Variants in ALDH3A2 observed in about 807,000 individuals in gnomAD.
ALDH3A2 encodes aldehyde dehydrogenase 3 family member A2, also known as aldehyde dehydrogenase family 3 member A2.
Under a neutral mutation model 51.3 loss-of-function variants are expected in ALDH3A2, and 36 were observed. The observed-to-expected ratio is 0.70, with a 90% CI of 0.54 to 0.93. The LOEUF is 0.93. Ranked by LOEUF, ALDH3A2 falls within the 40% of genes least tolerant of loss-of-function variation. The pLI is 0.00. For missense variants in ALDH3A2, 552 were observed against 603.1 expected (o/e 0.92, Z 0.89); for synonymous variants, 199 against 219.8 (o/e 0.91, Z 0.84).
At chr17:19,666,893 A>C (rs963278431) in intron 8 of ALDH3A2, among the ~76,000 whole-genome samples, 77 of 151,682 alleles carry the variant, frequency 5.1e-4, no homozygotes, top group African/African-American at 1.8e-3. Context: ...CAAAAGAAAA[A>C]AACAGGTTTA....
At chr17:19,668,647 GGGT>G (rs2085071576) in intron 8 of ALDH3A2, among the ~76,000 whole-genome samples, 2 of 80,700 alleles carry the variant, frequency 2.5e-5, no homozygotes, top group Non-Finnish European at 5.5e-5. Flanking sequence ...TCTGTAGGCT[GGGT>G]GCGGTTGCAC....
Position 19,651,739 on chromosome 17 carries a change from G to A in ALDH3A2, c.346G>A (p.Val116Ile), listed in dbSNP as rs752169967. The A allele has an allele frequency of 1.5e-5, 24 of 1,613,958 alleles. No individual in the cohort carries two copies. The Admixed American group carries it at 3.3e-4, about 22-fold the overall frequency. The change falls in exon 2 of 10, where the codon GTT becomes ATT. Residue 116 changes from valine to isoleucine, a missense_variant. Coordinates refer to ENST00000176643, the MANE Select transcript of ALDH3A2 (RefSeq NM_000382.3). The stretch of plus-strand genomic sequence containing the variant: ...AATCGGAGCTTGGAATTACCCCTTC[G>A]TTCTCACCATTCAGCCACTGATAGG... The part of the protein sequence containing the change: ...LIIGAWNYPF[V>I]LTIQPLIGAI...
chr17:19,656,697 T>A (rs2084902870), intron 4 of ALDH3A2, 123 bp downstream of exon 4: 1 of 999,642 alleles, frequency 1.0e-6, no homozygotes, highest in African/African-American at 1.6e-5. Flanking sequence ...TAAGCTTTGG[T>A]GGTTGATGTC....
At chr17:19,660,682 G>A (rs948467958) in intron 5 of ALDH3A2, among the ~76,000 whole-genome samples, 2 of 152,214 alleles carry the variant, frequency 1.3e-5, no homozygotes, top group Non-Finnish European at 2.9e-5. Flanking sequence ...TAAAGGGCTA[G>A]ATGGTAAATA....
chr17:19,651,853 G>A, intron 2 of ALDH3A2, 75 bp downstream of exon 2: 1 of 1,339,774 alleles, frequency 7.5e-7, no homozygotes. Context: ...ATTAAGGATA[G>A]TGGCTAATTA....
At position 19,676,003 on chromosome 17, in the gene ALDH3A2, A is replaced by G. The variant is rs766037788; in HGVS notation, c.*431A>G. The G allele has an allele frequency of 8.9e-6, 2 of 223,718 alleles. No individual in the cohort carries two copies. Among genetic ancestry groups the G allele is most frequent in the Non-Finnish European group, 1.8e-5 (2 of 112,162 alleles). The allele number at this position is 223,718 out of a possible 1,614,324, so 13.9% of individuals were successfully genotyped here. On this transcript the variant is annotated 3_prime_UTR_variant, in exon 10 of 10. Transcript: ENST00000176643. ...CCCAGGGCTACCGGCAGTCCTCTGT[A>G]GTCCAGAGAGGTGAGATTAGATCTT...
chr17:19,660,661 A>G (rs2084954517), intron 5 of ALDH3A2, among the ~76,000 whole-genome samples: 1 of 152,214 alleles, frequency 6.6e-6, no homozygotes, highest in African/African-American at 2.4e-5. Context: ...AAGATTGGCA[A>G]ATGGTTTCTG....
At chr17:19,667,493 A>G (rs1488887503) in intron 8 of ALDH3A2, among the ~76,000 whole-genome samples, 1 of 152,242 alleles carries the variant, frequency 6.6e-6, no homozygotes, top group Non-Finnish European at 1.5e-5. Context: ...AAAGTAATAT[A>G]GACACAGTGG....
intron 8 of ALDH3A2, among the ~76,000 whole-genome samples, chr17:19,669,660 G>A (rs1354791336): frequency 6.6e-6 from 1 of 151,720 alleles, no homozygotes; most frequent in Non-Finnish European, 1.5e-5. Flanking sequence ...TTTGAGATAG[G>A]GTCTCACTCT....
chr17:19,675,989 C>A lies in ALDH3A2; in HGVS notation c.*417C>A. On this transcript the variant is annotated 3_prime_UTR_variant, in exon 10 of 10. Transcript: ENST00000176643. ...AGAGCTTGGTACTTCCCAGGGCTAC[C>A]GGCAGTCCTCTGTAGTCCAGAGAGG... 3.9e-6 allele frequency: 1 copy of A among 256,208 alleles called. No homozygotes were observed. The highest frequency in any genetic ancestry group is 7.6e-6 in the Non-Finnish European group (1 of 131,598). 15.9% of individuals were successfully genotyped at this position (256,208 alleles called of 1,614,324 possible). A position where few individuals can be genotyped will look rare whatever the true frequency, so the allele number is the denominator to read the frequency against.
chr17:19,673,385 T>C, intron 9 of ALDH3A2: 1 of 1,350,128 alleles, frequency 7.4e-7, no homozygotes, highest in Middle Eastern at 2.6e-4. Context: ...TTTTTATTTT[T>C]GTTTTTTTTT....
At chr17:19,655,631 A>G (rs1408924708) in intron 3 of ALDH3A2, among the ~76,000 whole-genome samples, 1 of 152,230 alleles carries the variant, frequency 6.6e-6, no homozygotes, top group African/African-American at 2.4e-5. Context: ...TTTACTTCAC[A>G]CTTCCACCTT....
rs1479279407 is a variant in ALDH3A2 at position 19,648,780 on chromosome 17, T to G, written c.-192T>G. 2.7e-6 allele frequency: 2 copies of G among 732,904 alleles called. No individual in the cohort carries two copies. The highest frequency in any genetic ancestry group is 1.8e-5 in the South Asian group (1 of 56,018). The allele number at this position is 732,904 out of a possible 1,614,324, so 45.4% of individuals were successfully genotyped here. On this transcript the variant is annotated 5_prime_UTR_variant, in exon 1 of 10. Transcript: ENST00000176643. ...CTCCCCCGGCGCCTCCGACTGGCAG[T>G]GGGACTCAGCGGGCGTGGAGGTCGC...
intron 6 of ALDH3A2, among the ~76,000 whole-genome samples, chr17:19,661,831 T>G (rs79475774): frequency 9.5e-5 from 14 of 147,818 alleles, no homozygotes; most frequent in African/African-American, 3.5e-4. Flanking sequence ...GCTTTACTTA[T>G]CCCCTTTATC....
intron 8 of ALDH3A2, among the ~76,000 whole-genome samples, 158 bp from the exon 9 acceptor site, chr17:19,671,563 G>T (rs1269550285): frequency 1.3e-5 from 2 of 152,206 alleles, no homozygotes; most frequent in African/African-American, 2.4e-5. Flanking sequence ...AGGGAAGTTG[G>T]TAAGGACTTC....
chr17:19,648,988 G>C lies in ALDH3A2; in HGVS notation c.17G>C (p.Arg6Pro), dbSNP rs543034626. Reference protein sequence around the residue: MELEVRRVRQAFLSGR... With the variant: MELEVPRVRQAFLSGR... ...GACCAGGCCATGGAGCTCGAAGTCC[G>C]GCGGGTCCGACAGGCGTTCCTGTCC... Residue 6 changes from arginine to proline, a missense_variant, in exon 1 of 10, where the codon CGG becomes CCG. By Grantham distance (103) the Arg-to-Pro change is moderately radical. Transcript: ENST00000176643. 2.1e-5 allele frequency: 33 copies of C among 1,586,746 alleles called. No homozygotes were observed. Among genetic ancestry groups the C allele is most frequent in the Non-Finnish European group, 2.6e-5 (30 of 1,167,480 alleles).
At position 19,664,933 on chromosome 17, in the gene ALDH3A2, T is replaced by C; in HGVS notation, c.1108-15T>C. The stretch of plus-strand genomic sequence containing the variant: ...GGCAACTTCACTGACCTGGACACCT[T>C]TGGTCTGTCCTCAGCTCATCAAACG... On this transcript the variant is annotated splice_polypyrimidine_tract_variant and intron_variant, in intron 7 of 9. Transcript: ENST00000176643. 6.2e-7 allele frequency: 1 copy of C among 1,606,422 alleles called. No individual in the cohort carries two copies. Among genetic ancestry groups the C allele is most frequent in the Non-Finnish European group, 8.5e-7 (1 of 1,173,940 alleles).
At chr17:19,663,649 C>G in intron 7 of ALDH3A2, 150 bp downstream of exon 7, 1 of 956,752 alleles carries the variant, frequency 1.0e-6, no homozygotes, top group Non-Finnish European at 1.6e-6. Context: ...AGGTTGTGTT[C>G]CGAGGTTGCT....
At chr17:19,650,303 A>T (rs1245674518) in intron 1 of ALDH3A2, among the ~76,000 whole-genome samples, 1 of 150,980 alleles carries the variant, frequency 6.6e-6, no homozygotes, top group African/African-American at 2.4e-5. Context: ...TTTTAAACGG[A>T]CAGGGTCTCC....
Sources: gnomAD v4.1 joint callset for allele counts (sites outside exome capture counted in the v4.1 genomes callset) on GRCh38, gnomAD v4.1.1 for gene constraint, MANE v1.5 for transcripts, NCBI Gene and HGNC (gene_info 2026-07-23, HGNC 2026-07-21) for gene names.